The following B3GAT2 variants were observed in gnomAD, a reference collection of about 807,000 sequenced individuals.
B3GAT2 encodes the protein galactosylgalactosylxylosylprotein 3-beta-glucuronosyltransferase 2.
A neutral mutation model predicts 27.8 loss-of-function variants in B3GAT2; 26 were observed. The observed-to-expected ratio is 0.93, with a 90% CI of 0.68 to 1.30. The LOEUF (loss-of-function observed/expected upper bound fraction) is 1.30, where lower values mean the gene tolerates loss of function less well. Among genes scored for constraint, B3GAT2 ranks in the 50% most tolerant of loss-of-function variants. The pLI, the probability that B3GAT2 is intolerant of heterozygous loss-of-function variation, is 0.00. For missense variants in B3GAT2, 458 were observed against 459.0 expected (o/e 1.00, Z 0.02); for synonymous variants, 218 against 195.1 (o/e 1.12, Z -0.98).
chr6:70,883,518 C>G (rs1772132276), intron 2 of B3GAT2, among the ~76,000 whole-genome samples: 1 of 149,508 alleles, frequency 6.7e-6, no homozygotes, highest in Non-Finnish European at 1.5e-5. Context: ...CTAGAATAGT[C>G]TAATTAATCG....
intron 1 of B3GAT2, among the ~76,000 whole-genome samples, chr6:70,915,480 C>G (rs1772757126): frequency 6.6e-6 from 1 of 152,084 alleles, no homozygotes; most frequent in Non-Finnish European, 1.5e-5. Context: ...AGTCTTTGCC[C>G]ATGCCTATGC....
At chr6:70,937,172 G>A (rs1214615117) in intron 1 of B3GAT2, among the ~76,000 whole-genome samples, 4 of 152,136 alleles carry the variant, frequency 2.6e-5, no homozygotes, top group East Asian at 3.9e-4. Context: ...TAAATTCCTC[G>A]GCACATACAC....
chr6:70,924,428 T>A (rs926169456), intron 1 of B3GAT2, among the ~76,000 whole-genome samples: 1 of 152,176 alleles, frequency 6.6e-6, no homozygotes, highest in Non-Finnish European at 1.5e-5. Context: ...AAAATTCACA[T>A]GGAATCTCAA....
intron 2 of B3GAT2, among the ~76,000 whole-genome samples, chr6:70,864,152 G>T (rs1771813101): frequency 6.7e-6 from 1 of 149,408 alleles, no homozygotes; most frequent in South Asian, 2.1e-4. Context: ...CATGGCTTCA[G>T]GATACTGGTT....
chr6:70,936,032 G>A (rs1170814042), intron 1 of B3GAT2, among the ~76,000 whole-genome samples: 2 of 151,360 alleles, frequency 1.3e-5, no homozygotes, highest in Non-Finnish European at 2.9e-5. Flanking sequence ...GACACACATA[G>A]GCTCAAAATA....
chr6:70,886,416 G>A (rs1162375112), intron 2 of B3GAT2, among the ~76,000 whole-genome samples: 1 of 152,224 alleles, frequency 6.6e-6, no homozygotes, highest in Non-Finnish European at 1.5e-5. Context: ...GAGTCTGCTG[G>A]ACATCCTGAT....
At chr6:70,887,482 C>T (rs1772207240) in intron 2 of B3GAT2, among the ~76,000 whole-genome samples, 2 of 152,220 alleles carry the variant, frequency 1.3e-5, no homozygotes, top group South Asian at 4.2e-4. Context: ...GTAGCGGGGA[C>T]AGCTGCTCTG....
intron 2 of B3GAT2, among the ~76,000 whole-genome samples, chr6:70,877,735 T>A (rs886852385): frequency 6.6e-6 from 1 of 152,190 alleles, no homozygotes; most frequent in Non-Finnish European, 1.5e-5. Flanking sequence ...TTCCCCACTT[T>A]AAAAAGAACT....
At chr6:70,890,268 C>A (rs369437781) in intron 2 of B3GAT2, among the ~76,000 whole-genome samples, 2 of 152,248 alleles carry the variant, frequency 1.3e-5, no homozygotes, top group East Asian at 1.9e-4. Flanking sequence ...GGCTCCCCCC[C>A]TGCAGTCACT....
rs1259230974 is a variant in B3GAT2 at position 70,860,264 on chromosome 6, C to A, written c.*1399G>T. 4 of 1,613,588 alleles carry A rather than the reference C, an allele frequency of 2.5e-6. No homozygotes were observed. The highest frequency in any genetic ancestry group is 3.4e-6 in the Non-Finnish European group (4 of 1,179,858). Reference sequence around the variant, plus strand: ...ACCCCTACTGCAGGTTTTGGCCAGCCCTCCAGCACAACAGCAGGATGGTCT... The same window carrying A: ...ACCCCTACTGCAGGTTTTGGCCAGCACTCCAGCACAACAGCAGGATGGTCT... On this transcript the variant is annotated 3_prime_UTR_variant, in exon 4 of 4. Coordinates refer to ENST00000230053, the MANE Select transcript of B3GAT2 (RefSeq NM_080742.3).
intron 2 of B3GAT2, among the ~76,000 whole-genome samples, chr6:70,876,205 A>G (rs1174577533): frequency 6.6e-6 from 1 of 152,216 alleles, no homozygotes; most frequent in African/African-American, 2.4e-5. Context: ...CAGAAAATAT[A>G]GCAGAGCATG....
chr6:70,899,627 A>C (rs1772459612), intron 1 of B3GAT2, among the ~76,000 whole-genome samples: 1 of 152,230 alleles, frequency 6.6e-6, no homozygotes, highest in African/African-American at 2.4e-5. Flanking sequence ...TGCCCTGCTG[A>C]AATTCCATGC....
chr6:70,927,351 T>A (rs1582385960), intron 1 of B3GAT2, among the ~76,000 whole-genome samples: 1 of 152,142 alleles, frequency 6.6e-6, no homozygotes, highest in East Asian at 1.9e-4. Flanking sequence ...GTAAATGGGC[T>A]AAAAGCCCCA....
chr6:70,928,522 G>A (rs2150044731), intron 1 of B3GAT2, among the ~76,000 whole-genome samples: 1 of 152,206 alleles, frequency 6.6e-6, no homozygotes, highest in South Asian at 2.1e-4. Flanking sequence ...CAATCCCACG[G>A]AAATACAAAC....
chr6:70,942,005 C>T (rs1765400960), intron 1 of B3GAT2, among the ~76,000 whole-genome samples: 2 of 152,108 alleles, frequency 1.3e-5, no homozygotes. Context: ...TTTGGTACAA[C>T]TAGATGGACA....
intron 1 of B3GAT2, among the ~76,000 whole-genome samples, chr6:70,955,023 G>T (rs1198445974): frequency 6.6e-6 from 1 of 152,110 alleles, no homozygotes; most frequent in South Asian, 2.1e-4. Context: ...GACGCAAAAG[G>T]CCCCGCCAAA....
At chr6:70,918,330 G>A (rs944015863) in intron 1 of B3GAT2, among the ~76,000 whole-genome samples, 1 of 150,604 alleles carries the variant, frequency 6.6e-6, no homozygotes, top group African/African-American at 2.4e-5. Flanking sequence ...TACAGTCAAG[G>A]GTCTTGACTC....
At chr6:70,940,395 C>T (rs1582395625) in intron 1 of B3GAT2, among the ~76,000 whole-genome samples, 1 of 152,108 alleles carries the variant, frequency 6.6e-6, no homozygotes, top group African/African-American at 2.4e-5. Flanking sequence ...CATCTGGGAT[C>T]CTTTCCACCT....
rs1562210792 is a variant in B3GAT2, at chr6:70,861,568, C to G, written c.*95G>C. ...GAAAGGCTGCTGTACTGAAGTAAAA[C>G]AAACAATACCTGAATGCTCTGTAGC... On this transcript the variant is annotated 3_prime_UTR_variant, in exon 4 of 4. Transcript: ENST00000230053. 3 of 1,168,444 alleles carry G rather than the reference C, an allele frequency of 2.6e-6. No individual in the cohort carries two copies. The highest frequency in any genetic ancestry group is 2.4e-5 in the East Asian group (1 of 42,162). 72.4% of individuals were successfully genotyped at this position (1,168,444 alleles called of 1,614,324 possible).
Sources: gnomAD v4.1 joint callset for allele counts (sites outside exome capture counted in the v4.1 genomes callset) on GRCh38, gnomAD v4.1.1 for gene constraint, MANE v1.5 for transcripts, NCBI Gene and HGNC (gene_info 2026-07-23, HGNC 2026-07-21) for gene names.